The following TNFRSF11B variants were observed in gnomAD, a reference collection of about 807,000 sequenced individuals.
TNFRSF11B encodes the protein tumor necrosis factor receptor superfamily member 11B.
A neutral mutation model predicts 43.4 loss-of-function variants in TNFRSF11B; 16 were observed. That is an observed-to-expected ratio of 0.37 (90% CI 0.25 to 0.56). The LOEUF (loss-of-function observed/expected upper bound fraction) is 0.56. TNFRSF11B is among the 20% of genes least tolerant of loss of function. The pLI, the probability that TNFRSF11B is intolerant of heterozygous loss-of-function variation, is 0.80. For synonymous variants in TNFRSF11B, 185 were observed against 181.8 expected, an observed-to-expected ratio of 1.02 and a Z score of -0.14; for missense variants, 444 against 490.1, an observed-to-expected ratio of 0.91 and a Z score of 0.89.
chr8:118,944,304 T>A (rs1563693621), intron 1 of TNFRSF11B, among the ~76,000 whole-genome samples: 1 of 152,284 alleles, frequency 6.6e-6, no homozygotes, highest in East Asian at 1.9e-4. Context: ...CCTGAAATAT[T>A]GCTGATTTGC....
At chr8:118,939,572 C>T (rs1295953282) in intron 1 of TNFRSF11B, among the ~76,000 whole-genome samples, 3 of 152,232 alleles carry the variant, frequency 2.0e-5, no homozygotes, top group African/African-American at 7.2e-5. Context: ...AATCGAAGAG[C>T]ACATCCATGA....
intron 1 of TNFRSF11B, among the ~76,000 whole-genome samples, chr8:118,945,554 C>T (rs912161779): frequency 2.0e-5 from 3 of 152,084 alleles, no homozygotes; most frequent in African/African-American, 7.2e-5. Flanking sequence ...CTCACCACTG[C>T]CATTGCAAAA....
chr8:118,932,901 T>C, intron 2 of TNFRSF11B, 30 bp downstream of exon 2: 1 of 1,613,678 alleles, frequency 6.2e-7, no homozygotes. Context: ...TGCATGATCC[T>C]AATTAATTTT....
At chr8:118,929,866 A>C (rs1812302252) in intron 2 of TNFRSF11B, among the ~76,000 whole-genome samples, 1 of 152,256 alleles carries the variant, frequency 6.6e-6, no homozygotes, top group African/African-American at 2.4e-5. Flanking sequence ...ATTCTGGCTT[A>C]TGCAAGATAA....
At chr8:118,942,812 C>CT (rs1441871457) in intron 1 of TNFRSF11B, among the ~76,000 whole-genome samples, 2 of 152,160 alleles carry the variant, frequency 1.3e-5, no homozygotes, top group Admixed American at 6.5e-5. Flanking sequence ...CCTTTAACAA[C>CT]TGACTTTTCC....
Position 118,924,713 on chromosome 8 carries a change from G to C in TNFRSF11B, c.867C>G (p.Asn289Lys). 6.2e-7 allele frequency: 1 copy of C among 1,614,182 alleles called. No individual in the cohort carries two copies. The highest frequency in any genetic ancestry group is 2.2e-5 in the East Asian group (1 of 44,884). Residue 289 changes from asparagine to lysine, a missense_variant, in exon 5 of 5, where the codon AAC becomes AAG. Asn to Lys is a moderately conservative substitution (Grantham distance 94, BLOSUM62 0). Transcript: ENST00000297350. ...AGCTACGAAGCTGCTCGAAGGTGAG[G>C]TTAGCATGTCCAATGTGCCGCTGCA... ...NSVQRHIGHA[N>K]LTFEQLRSLM...
intron 1 of TNFRSF11B, among the ~76,000 whole-genome samples, chr8:118,941,247 T>A (rs368420494): frequency 2.6e-5 from 4 of 152,160 alleles, no homozygotes; most frequent in African/African-American, 9.7e-5. Flanking sequence ...TGGGAGAAGT[T>A]TATCTACTGC....
chr8:118,927,530 C>A (rs999113227), intron 3 of TNFRSF11B, among the ~76,000 whole-genome samples: 1 of 147,150 alleles, frequency 6.8e-6, no homozygotes, highest in Non-Finnish European at 1.5e-5. Flanking sequence ...TTTGATCACT[C>A]CTTTTAATAC....
intron 1 of TNFRSF11B, among the ~76,000 whole-genome samples, chr8:118,937,986 A>G (rs1812426837): frequency 6.6e-6 from 1 of 152,216 alleles, no homozygotes; most frequent in Admixed American, 6.5e-5. Flanking sequence ...TATAATTTTT[A>G]TTAAATGCGC....
intron 2 of TNFRSF11B, 56 bp downstream of exon 2, chr8:118,932,875 C>T: frequency 6.2e-7 from 1 of 1,610,356 alleles, no homozygotes; most frequent in South Asian, 1.1e-5. Flanking sequence ...CCTAAACTGT[C>T]ACAACTATCT....
chr8:118,926,847 G>T, intron 3 of TNFRSF11B, 129 bp from the exon 4 acceptor site: 1 of 961,170 alleles, frequency 1.0e-6, no homozygotes, highest in Non-Finnish European at 1.6e-6. Context: ...AAAATGCAAA[G>T]TTTGAATAAA....
At chr8:118,939,754 G>T (rs1812454093) in intron 1 of TNFRSF11B, among the ~76,000 whole-genome samples, 1 of 152,222 alleles carries the variant, frequency 6.6e-6, no homozygotes, top group Admixed American at 6.5e-5. Flanking sequence ...ACTCAGGACA[G>T]AAAAGCAGCT....
At chr8:118,944,163 A>G (rs954050348) in intron 1 of TNFRSF11B, among the ~76,000 whole-genome samples, 1 of 152,154 alleles carries the variant, frequency 6.6e-6, no homozygotes, top group African/African-American at 2.4e-5. Context: ...CCAATAAACA[A>G]CTTCAACCAT....
chr8:118,928,255 C>T (rs959220741), intron 3 of TNFRSF11B, among the ~76,000 whole-genome samples: 3 of 150,128 alleles, frequency 2.0e-5, no homozygotes, highest in African/African-American at 7.3e-5. Context: ...ATCCTGACCT[C>T]AAGTGATCTG....
At position 118,933,128 on chromosome 8, in the gene TNFRSF11B, T is replaced by C. The variant is rs1812352269; in HGVS notation, c.203A>G (p.His68Arg). ...WKTVCAPCPD[H>R]YYTDSWHTSD... is the part of the protein sequence containing the mutation. ...GGTGTGCCAGCTGTCTGTGTAGTAG[T>C]GGTCAGGGCAAGGGGCGCACACGGT... Residue 68 changes from histidine to arginine, a missense_variant, in exon 2 of 5, where the codon CAC becomes CGC. His to Arg is a conservative substitution (Grantham distance 29, BLOSUM62 0). Transcript: ENST00000297350. 4 of 1,614,158 alleles carry C rather than the reference T, an allele frequency of 2.5e-6. No homozygotes were observed. Among genetic ancestry groups the C allele is most frequent in the African/African-American group, 1.3e-5 (1 of 75,030 alleles).
At position 118,932,819 on chromosome 8, in the gene TNFRSF11B, C is replaced by T. The variant is rs956740221; in HGVS notation, c.400+112G>A. ...GTACCTACCTGGCAGGTTTCATTAC[C>T]TTTGCAATTTGCTATCCTATAATGT... On this transcript the variant is annotated intron_variant, in intron 2 of 4. Coordinates refer to ENST00000297350, the MANE Select transcript of TNFRSF11B (RefSeq NM_002546.4). 20 of 1,432,458 alleles carry T rather than the reference C, an allele frequency of 1.4e-5. No homozygotes were observed. In the African/African-American group the frequency reaches 1.9e-4, roughly 14 times the overall value. The allele number at this position is 1,432,458 out of a possible 1,614,324, so 88.7% of individuals were successfully genotyped here.
intron 2 of TNFRSF11B, among the ~76,000 whole-genome samples, chr8:118,931,887 T>C (rs1812334762): frequency 6.6e-6 from 1 of 152,194 alleles, no homozygotes; most frequent in African/African-American, 2.4e-5. Flanking sequence ...TTTTGCCACC[T>C]GACGACATTT....
chr8:118,951,881 T>C lies in TNFRSF11B; in HGVS notation c.-60A>G, dbSNP rs1812654114. On this transcript the variant is annotated 5_prime_UTR_variant, in exon 1 of 5. Coordinates refer to ENST00000297350, the MANE Select transcript of TNFRSF11B (RefSeq NM_002546.4). ...GCGGCTGGGCGAGCGCTCCGGTGCG[T>C]CTCCGCAGCCCGTGCGCTCATCACG... is the stretch of plus-strand genomic sequence containing the variant. 6.8e-7 allele frequency: 1 copy of C among 1,474,188 alleles called. No homozygotes were observed. The highest frequency in any genetic ancestry group is 1.4e-5 in the African/African-American group (1 of 71,332). The allele number at this position is 1,474,188 out of a possible 1,614,324, so 91.3% of individuals were successfully genotyped here.
chr8:118,933,376 T>G (rs1812356196), intron 1 of TNFRSF11B, 76 bp from the exon 2 acceptor site: 1 of 1,589,472 alleles, frequency 6.3e-7, no homozygotes, highest in Non-Finnish European at 8.5e-7. Flanking sequence ...CAGTATCATT[T>G]GACTCAAAGT....
Sources: gnomAD v4.1 joint callset for allele counts (sites outside exome capture counted in the v4.1 genomes callset) on GRCh38, gnomAD v4.1.1 for gene constraint, MANE v1.5 for transcripts, NCBI Gene and HGNC (gene_info 2026-07-23, HGNC 2026-07-21) for gene names.